The following DPP10 variants were observed in gnomAD, a reference collection of about 807,000 sequenced individuals.
The protein encoded by DPP10 is inactive dipeptidyl peptidase 10.
Under a neutral mutation model 120.9 loss-of-function variants are expected in DPP10, and 33 were observed. That is an observed-to-expected ratio of 0.27 (90% CI 0.21 to 0.37). The LOEUF (loss-of-function observed/expected upper bound fraction) is 0.37. Among genes scored for constraint, DPP10 ranks in the 10% least tolerant of loss-of-function variants. The pLI is 1.00. For missense variants in DPP10, 816 were observed against 942.8 expected, an observed-to-expected ratio of 0.87 and a Z score of 1.76; for synonymous variants, 337 against 326.1, an observed-to-expected ratio of 1.03 and a Z score of -0.36.
rs1049893416 is a variant in DPP10, at chr2:115,298,420, A to G, written c.61-10819A>G. ...GCATCTACCAAATTCCTCTGAGTGT[A>G]AGATTGTTCATTTTAGCAGTTTCAG... On this transcript the variant is annotated intron_variant, in intron 1 of 25. Coordinates refer to ENST00000410059, the MANE Select transcript of DPP10 (RefSeq NM_020868.6). Among the ~76,000 whole-genome samples the G allele has an allele frequency of 1.3e-5, 2 of 152,140 alleles. 1 individual carries two copies.
chr2:114,532,302 C>G (rs1365406936), intron 1 of DPP10, among the ~76,000 whole-genome samples: 1 of 111,598 alleles, frequency 9.0e-6, no homozygotes, highest in Non-Finnish European at 1.9e-5. Flanking sequence ...TATATACACA[C>G]ACACACACAC....
At chr2:115,565,073 A>G (rs1427638429) in intron 5 of DPP10, among the ~76,000 whole-genome samples, 2 of 152,198 alleles carry the variant, frequency 1.3e-5, no homozygotes, top group Non-Finnish European at 2.9e-5. Flanking sequence ...GTTATATACC[A>G]GAAGCAGAGA....
chr2:115,344,050 C>T (rs969576898), intron 3 of DPP10, 138 bp downstream of exon 3: 13 of 473,256 alleles, frequency 2.7e-5, no homozygotes, highest in African/African-American at 2.5e-4. Context: ...GCAGGAGAAT[C>T]GCTTGAACCT....
At chr2:115,796,908 C>T (rs562998610) in intron 19 of DPP10, among the ~76,000 whole-genome samples, 5 of 152,154 alleles carry the variant, frequency 3.3e-5, no homozygotes, top group South Asian at 4.1e-4. Flanking sequence ...AAGGTTTGGA[C>T]TCAAGTTTTA....
At chr2:115,486,338 CAT>C (rs1417962502) in intron 3 of DPP10, among the ~76,000 whole-genome samples, 2 of 152,114 alleles carry the variant, frequency 1.3e-5, no homozygotes, top group African/African-American at 4.8e-5. Flanking sequence ...AAAAGAAAGA[CAT>C]AGCTTTATCA....
chr2:114,993,886 C>T (rs1700915243), intron 1 of DPP10, among the ~76,000 whole-genome samples: 1 of 152,086 alleles, frequency 6.6e-6, no homozygotes, highest in Non-Finnish European at 1.5e-5. Flanking sequence ...GCAACTATGT[C>T]AATGAGTGCT....
At chr2:114,902,551 G>T (rs1441786973) in intron 1 of DPP10, among the ~76,000 whole-genome samples, 1 of 151,976 alleles carries the variant, frequency 6.6e-6, no homozygotes, top group Non-Finnish European at 1.5e-5. Flanking sequence ...GGCTATTATT[G>T]ACCTGTTATT....
chr2:115,418,319 T>C (rs1391111399), intron 3 of DPP10, among the ~76,000 whole-genome samples: 1 of 152,158 alleles, frequency 6.6e-6, no homozygotes, highest in Non-Finnish European at 1.5e-5. Flanking sequence ...GCTGTATGTA[T>C]TAATCAGGGT....
intron 1 of DPP10, among the ~76,000 whole-genome samples, chr2:115,136,507 T>G (rs1050934937): frequency 1.3e-5 from 2 of 152,196 alleles, no homozygotes; most frequent in Non-Finnish European, 1.5e-5. Context: ...CTCATGTATA[T>G]GTATTCTCAA....
At chr2:115,318,152 T>G (rs1181205948) in intron 2 of DPP10, among the ~76,000 whole-genome samples, 2 of 152,148 alleles carry the variant, frequency 1.3e-5, no homozygotes, top group Non-Finnish European at 2.9e-5. Flanking sequence ...GCTTTAATTT[T>G]TGCATGTGAA....
chr2:114,998,609 T>C (rs1002360649), intron 1 of DPP10, among the ~76,000 whole-genome samples: 1 of 152,284 alleles, frequency 6.6e-6, no homozygotes, highest in South Asian at 2.1e-4. Context: ...GATTAATCAG[T>C]ATCTTGATCA....
rs570138874 is a variant in DPP10, at chr2:115,004,483, G to C, written c.61-304756G>C. Among the ~76,000 whole-genome samples the C allele has an allele frequency of 9.3e-4, 142 of 152,314 alleles. 1 individual carries two copies. Among genetic ancestry groups the C allele is most frequent in the African/African-American group, 3.2e-3 (135 of 41,574 alleles). Reference sequence around the variant, plus strand: ...GGGTTCATCTCACTAGGGAGTGCCAGACAGTGGGCACAGGTCAGTGGGTGC... The same window carrying C: ...GGGTTCATCTCACTAGGGAGTGCCACACAGTGGGCACAGGTCAGTGGGTGC... On this transcript the variant is annotated intron_variant, in intron 1 of 25. Coordinates refer to ENST00000410059, the MANE Select transcript of DPP10 (RefSeq NM_020868.6).
intron 1 of DPP10, among the ~76,000 whole-genome samples, chr2:114,724,423 A>G (rs528556840): frequency 6.6e-6 from 1 of 152,364 alleles, no homozygotes; most frequent in African/African-American, 2.4e-5. Flanking sequence ...TTTGCAAACC[A>G]GGAAGAGACA....
chr2:114,555,789 C>T (rs1352647272), intron 1 of DPP10, among the ~76,000 whole-genome samples: 1 of 152,056 alleles, frequency 6.6e-6, no homozygotes, highest in Non-Finnish European at 1.5e-5. Flanking sequence ...CTTTATTGAG[C>T]AATGCACATC....
At chr2:115,049,578 T>C (rs1385377914) in intron 1 of DPP10, among the ~76,000 whole-genome samples, 1 of 152,214 alleles carries the variant, frequency 6.6e-6, no homozygotes, top group Admixed American at 6.5e-5. Context: ...ATTCCTTTTC[T>C]AAATTGTAAT....
intron 1 of DPP10, among the ~76,000 whole-genome samples, chr2:114,509,356 C>G (rs757894869): frequency 2.0e-4 from 31 of 152,160 alleles, no homozygotes; most frequent in Admixed American, 1.3e-3. Context: ...TTCTATTAAT[C>G]CTTTCTTACA....
At chr2:114,705,133 C>G (rs556050831) in intron 1 of DPP10, among the ~76,000 whole-genome samples, 17 of 152,268 alleles carry the variant, frequency 1.1e-4, no homozygotes, top group African/African-American at 3.8e-4. Flanking sequence ...GGGCCATGGT[C>G]AAATAGTAAT....
chr2:115,231,727 C>T (rs1211314138), intron 1 of DPP10, among the ~76,000 whole-genome samples: 5 of 152,248 alleles, frequency 3.3e-5, no homozygotes, highest in East Asian at 1.9e-4. Flanking sequence ...CAAGAAGTAG[C>T]GATATATGAA....
chr2:115,753,182 A>G lies in DPP10; in HGVS notation c.959A>G (p.Tyr320Cys), dbSNP rs1284811146. Residue 320 changes from tyrosine to cysteine, a missense_variant, in exon 11 of 26, where the codon TAT becomes TGT. Physicochemically the swap from Tyr to Cys is radical, Grantham distance 194. Around this residue, in one of 3 missense-constraint regions of DPP10, gnomAD observed 592 missense variants for 649.0 expected, o/e 0.91. Coordinates refer to ENST00000410059, the MANE Select transcript of DPP10 (RefSeq NM_020868.6). Reference sequence around the variant, plus strand: ...TTTTGTTTCCAAACTAGAGAATACTATATCACTATGGTTAAATGGGTAAGC... The same window carrying G: ...TTTTGTTTCCAAACTAGAGAATACTGTATCACTATGGTTAAATGGGTAAGC... ...PPDSFKSREY[Y>C]ITMVKWVSNT... 4 of 1,610,684 alleles carry G rather than the reference A, an allele frequency of 2.5e-6. No homozygotes were observed. In the Admixed American group the frequency reaches 5.0e-5, roughly 20 times the overall value.
Sources: gnomAD v4.1 joint callset for allele counts (sites outside exome capture counted in the v4.1 genomes callset) on GRCh38, gnomAD v4.1.1 for gene constraint, gnomAD v4.1.1 regional missense constraint, MANE v1.5 for transcripts, NCBI Gene and HGNC (gene_info 2026-07-23, HGNC 2026-07-21) for gene names.